Variants in KCNQ3 observed in about 807,000 individuals in gnomAD.
KCNQ3 encodes the protein potassium voltage-gated channel subfamily Q member 3, also known as potassium voltage-gated channel subfamily KQT member 3.
In KCNQ3, 30 loss-of-function variants were observed where a neutral mutation model predicts 92.5. The ratio of observed to expected loss-of-function variants is 0.32; its 90% CI spans 0.24 to 0.44. The LOEUF is 0.44. Ranked by LOEUF, KCNQ3 falls within the 20% of genes least tolerant of loss-of-function variation. KCNQ3 has a pLI of 1.00. For synonymous variants in KCNQ3, 450 were observed against 468.8 expected, an observed-to-expected ratio of 0.96 and a Z score of 0.52; for missense variants, 913 against 1,140.3, an observed-to-expected ratio of 0.80 and a Z score of 2.87.
chr8:132,324,149 T>C (rs184149155), intron 1 of KCNQ3, among the ~76,000 whole-genome samples: 7 of 152,342 alleles, frequency 4.6e-5, no homozygotes, highest in Non-Finnish European at 1.0e-4. Flanking sequence ...AGCCATTCAA[T>C]ACCATGTTCA....
rs573980033 is a variant in KCNQ3, at chr8:132,258,057, G to GA, written c.387-71877dup. 4.9e-3 allele frequency among the ~76,000 whole-genome samples: 744 copies of GA among 152,130 alleles called. 7 individuals are homozygous for GA. Among genetic ancestry groups the GA allele is most frequent in the African/African-American group, 0.017 (720 of 41,532 alleles). On this transcript the variant is annotated intron_variant, in intron 1 of 14. Transcript: ENST00000388996. ...AAGGGAGAAATAAACAGTTTAAAAA[G>GA]AATCACTGGAGATTTCAATATCTCA...
chr8:132,447,310 G>T, intron 1 of KCNQ3: 1 of 1,434,202 alleles, frequency 7.0e-7, no homozygotes, highest in Non-Finnish European at 9.5e-7. Flanking sequence ...AGAATGGGCA[G>T]ACAAGGGTCA....
rs372847012 is a variant in KCNQ3, at chr8:132,433,735, C to T, written c.386+46412G>A. ...CAAAAACCCATCTCTACTAAAAGTA[C>T]CAAAATTAGCTGGATGTGGTGGTGC... On this transcript the variant is annotated intron_variant, in intron 1 of 14. Coordinates refer to ENST00000388996, the MANE Select transcript of KCNQ3 (RefSeq NM_004519.4). 1.1e-3 allele frequency among the ~76,000 whole-genome samples: 165 copies of T among 151,162 alleles called. 2 individuals are homozygous for T. The highest frequency in any genetic ancestry group is 3.4e-3 in the African/African-American group (138 of 41,172).
chr8:132,137,019 C>T (rs1051593925), intron 12 of KCNQ3, among the ~76,000 whole-genome samples: 3 of 137,692 alleles, frequency 2.2e-5, no homozygotes, highest in Non-Finnish European at 3.1e-5. Flanking sequence ...CGTGCACCAC[C>T]ATGCCTGGAT....
chr8:132,285,032 C>A (rs1816638645), intron 1 of KCNQ3, among the ~76,000 whole-genome samples: 1 of 152,160 alleles, frequency 6.6e-6, no homozygotes, highest in South Asian at 2.1e-4. Flanking sequence ...TCAAAATAAA[C>A]CTCGTTTCTG....
At chr8:132,255,845 A>C (rs1815566743) in intron 1 of KCNQ3, among the ~76,000 whole-genome samples, 1 of 152,254 alleles carries the variant, frequency 6.6e-6, no homozygotes, top group South Asian at 2.1e-4. Context: ...ATTCATTTAA[A>C]AATTACATAA....
chr8:132,305,543 G>A (rs1180646844), intron 1 of KCNQ3, among the ~76,000 whole-genome samples: 1 of 152,096 alleles, frequency 6.6e-6, no homozygotes, highest in African/African-American at 2.4e-5. Context: ...GATAACCAGT[G>A]TTCCCTGGTG....
In KCNQ3 at chr8:132,480,149, C is replaced by G; in HGVS notation, c.384G>C (p.Leu128Phe). Residue 128 changes from leucine to phenylalanine, a missense_variant and splice_region_variant, in exon 1 of 15, where the codon TTG becomes TTC. Leu to Phe is a conservative substitution (Grantham distance 22). Coordinates refer to ENST00000388996, the MANE Select transcript of KCNQ3 (RefSeq NM_004519.4). ...PRGWALLYHA[L>F]VFLIVLGCLI... ...GCCCCGAGCGGCCGGGTACTCACAC[C>G]AACGCGTGGTAAAGCAGCGCCCAGC... 6.2e-7 allele frequency: 1 copy of G among 1,612,374 alleles called. No individual in the cohort carries two copies. Among genetic ancestry groups the G allele is most frequent in the East Asian group, 2.2e-5 (1 of 44,784 alleles).
intron 1 of KCNQ3, among the ~76,000 whole-genome samples, chr8:132,243,980 A>C (rs569502236): frequency 3.9e-5 from 6 of 152,282 alleles, no homozygotes; most frequent in Admixed American, 1.3e-4. Context: ...GAGCCTTCAG[A>C]TGCCAGGTGC....
chr8:132,131,107 A>T (rs977126465), intron 14 of KCNQ3, among the ~76,000 whole-genome samples: 1 of 152,240 alleles, frequency 6.6e-6, no homozygotes, highest in Non-Finnish European at 1.5e-5. Context: ...TACTATTATT[A>T]TCTCTATTTC....
chr8:132,295,501 A>T (rs1267268514), intron 1 of KCNQ3, among the ~76,000 whole-genome samples: 2 of 152,244 alleles, frequency 1.3e-5, no homozygotes, highest in Non-Finnish European at 2.9e-5. Flanking sequence ...TAGAAGCAGA[A>T]ATACCATTTG....
At chr8:132,410,950 G>A (rs1820636978) in intron 1 of KCNQ3, among the ~76,000 whole-genome samples, 1 of 152,120 alleles carries the variant, frequency 6.6e-6, no homozygotes, top group South Asian at 2.1e-4. Flanking sequence ...AAAGCACCTG[G>A]GCATCTTGCT....
chr8:132,375,190 C>G (rs1200362370), intron 1 of KCNQ3, among the ~76,000 whole-genome samples: 2 of 152,060 alleles, frequency 1.3e-5, no homozygotes, highest in African/African-American at 4.8e-5. Context: ...CACCAACATT[C>G]ACTGCATTAC....
rs1554622049 is a variant in KCNQ3 at position 132,134,367 on chromosome 8, A to G, written c.1722T>C (p.Pro574=). The G allele has an allele frequency of 6.2e-7, 1 of 1,613,186 alleles. No individual in the cohort carries two copies. The highest frequency in any genetic ancestry group is 1.3e-5 in the African/African-American group (1 of 75,014). Residue 574 remains proline, a synonymous_variant, in exon 13 of 15, where the codon CCT becomes CCC. Transcript: ENST00000388996. Reference sequence around the variant, plus strand: ...TGTGTTTTGGCGTGGAGGGAGGTCCAGGGGTGAAAATCATATCTATTCTGA... The same window carrying G: ...TGTGTTTTGGCGTGGAGGGAGGTCCGGGGGTGAAAATCATATCTATTCTGA... ...LQTRIDMIFT[P]GPPSTPKHKK...
intron 1 of KCNQ3, among the ~76,000 whole-genome samples, chr8:132,397,160 A>G (rs1048430460): frequency 3.3e-4 from 50 of 152,068 alleles, no homozygotes; most frequent in African/African-American, 1.2e-3. Context: ...CTAATATCGC[A>G]TTTTACCAAA....
chr8:132,279,274 T>C (rs577225059), intron 1 of KCNQ3, among the ~76,000 whole-genome samples: 26 of 152,306 alleles, frequency 1.7e-4, no homozygotes, highest in African/African-American at 6.0e-4. Context: ...TATTAAATAT[T>C]TGATCTAGGG....
chr8:132,148,118 T>C (rs1299779165), intron 9 of KCNQ3, among the ~76,000 whole-genome samples: 1 of 152,224 alleles, frequency 6.6e-6, no homozygotes, highest in Non-Finnish European at 1.5e-5. Flanking sequence ...TATTTTATTC[T>C]TTAAAATAAA....
chr8:132,386,966 T>G (rs1270607391), intron 1 of KCNQ3, among the ~76,000 whole-genome samples: 1 of 152,204 alleles, frequency 6.6e-6, no homozygotes, highest in African/African-American at 2.4e-5. Context: ...TTTGTGGTGA[T>G]GGATATGCTA....
At chr8:132,384,644 T>C (rs2130760447) in intron 1 of KCNQ3, among the ~76,000 whole-genome samples, 1 of 152,288 alleles carries the variant, frequency 6.6e-6, no homozygotes, top group South Asian at 2.1e-4. Flanking sequence ...CATATAGTCA[T>C]TTGAGAAACA....
Sources: allele counts gnomAD v4.1 joint callset (sites outside exome capture counted in the v4.1 genomes callset), GRCh38; gene constraint gnomAD v4.1.1; transcripts MANE v1.5; gene names NCBI Gene and HGNC (gene_info 2026-07-23, HGNC 2026-07-21).